Variants in PPFIA3 observed in about 807,000 individuals in gnomAD.
PPFIA3 encodes the protein PPFI scaffold protein A3.
PPFIA3 carries 26 observed loss-of-function variants against 145.8 expected under a neutral mutation model. That is an observed-to-expected ratio of 0.18 (90% CI 0.13 to 0.25). The LOEUF (loss-of-function observed/expected upper bound fraction) is 0.25, where lower values mean the gene tolerates loss of function less well. Ranked by LOEUF, PPFIA3 falls within the 10% of genes least tolerant of loss-of-function variation. PPFIA3 has a pLI of 1.00. For synonymous variants in PPFIA3, 645 were observed against 661.4 expected (o/e 0.98, Z 0.38); for missense variants, 1,008 against 1,587.8 (o/e 0.63, Z 6.21).
rs199882124 is a variant in PPFIA3, at chr19:49,138,313, C to A, written c.1962C>A (p.Ser654=). ...DSLGRYRSSC[S]LPPSLTTSTL... Reference sequence around the variant, plus strand: ...TGGGCCGCTACCGCAGCAGCTGCTCCCTGCCCCCCTCCCTCACCACCTCTA... The same window carrying A: ...TGGGCCGCTACCGCAGCAGCTGCTCACTGCCCCCCTCCCTCACCACCTCTA... Residue 654 remains serine (S), a synonymous_variant, in exon 16 of 30, where the codon TCC becomes TCA. Transcript: ENST00000334186. 5 of 1,613,080 alleles carry A rather than the reference C, an allele frequency of 3.1e-6. No homozygotes were observed. In the East Asian group the frequency reaches 8.9e-5, roughly 29 times the overall value.
At chr19:49,131,985 G>A (rs1273120612) in intron 7 of PPFIA3, among the ~76,000 whole-genome samples, 4 of 149,374 alleles carry the variant, frequency 2.7e-5, no homozygotes, top group South Asian at 2.1e-4. Flanking sequence ...ACTCCAGCCC[G>A]GGCAACAGAG....
intron 23 of PPFIA3, 129 bp from the exon 24 acceptor site, chr19:49,147,954 G>A: frequency 3.3e-6 from 3 of 921,900 alleles, no homozygotes; most frequent in South Asian, 3.3e-5. Context: ...ATCCTGAGCA[G>A]AGATTGGTCA....
intron 15 of PPFIA3, 107 bp from the exon 16 acceptor site, chr19:49,138,098 G>C: frequency 1.4e-6 from 2 of 1,415,896 alleles, no homozygotes; most frequent in Non-Finnish European, 1.9e-6. Context: ...ACCGTCCCCA[G>C]AATTCCCATT....
In PPFIA3 at chr19:49,150,645, A is replaced by T. The variant is rs753951808; in HGVS notation, c.*423A>T. On this transcript the variant is annotated 3_prime_UTR_variant, in exon 30 of 30. Coordinates refer to ENST00000334186, the MANE Select transcript of PPFIA3 (RefSeq NM_003660.4). ...GCCCAAGTCTTCCTTCTTCGTCCGA[A>T]AGGAGGGGAGGGGGGACTCGCTGCT... The T allele has an allele frequency of 9.6e-4, 148 of 153,672 alleles. No homozygotes were observed. The highest frequency in any genetic ancestry group is 1.5e-3 in the Non-Finnish European group (103 of 68,810). The allele number at this position is 153,672 out of a possible 1,614,324, so 9.5% of individuals were successfully genotyped here.
Position 49,133,448 on chromosome 19 carries a change from G to A in PPFIA3, c.1161+77G>A. On this transcript the variant is annotated intron_variant, in intron 9 of 29. Transcript: ENST00000334186. This position sits in a 1 kb window ranked among gnomAD's most constrained non-coding sequence, Gnocchi z 7.2. ...GAGGAGGCGGGGCCGTGAATCTGGA[G>A]GGGTAGGAGCGAGGTCAGAACCCCG... The A allele has an allele frequency of 6.8e-7, 1 of 1,462,978 alleles. No homozygotes were observed. Among genetic ancestry groups the A allele is most frequent in the Non-Finnish European group, 9.0e-7 (1 of 1,107,374 alleles). The allele number at this position is 1,462,978 out of a possible 1,614,324, so 90.6% of individuals were successfully genotyped here.
rs760792528 is a variant in PPFIA3 at position 49,143,106 on chromosome 19, C to G, written c.2745+102C>G. ...GCCTGCTCACTCCCCTGTCCCACGA[C>G]CCTGCTTCTCATTGGCTTTTACCCC... is the stretch of plus-strand genomic sequence containing the variant. On this transcript the variant is annotated intron_variant, in intron 21 of 29. Coordinates refer to ENST00000334186, the MANE Select transcript of PPFIA3 (RefSeq NM_003660.4). 14 of 1,317,992 alleles carry G rather than the reference C, an allele frequency of 1.1e-5. No homozygotes were observed. In the African/African-American group the frequency reaches 2.0e-4, roughly 19 times the overall value. 81.6% of individuals were successfully genotyped at this position (1,317,992 alleles called of 1,614,324 possible).
Position 49,149,965 on chromosome 19 carries a change from A to G in PPFIA3, c.3527-115A>G. 3.0e-6 allele frequency: 4 copies of G among 1,311,998 alleles called. No homozygotes were observed. Among genetic ancestry groups the G allele is most frequent in the Non-Finnish European group, 4.2e-6 (4 of 948,252 alleles). 81.3% of individuals were successfully genotyped at this position (1,311,998 alleles called of 1,614,324 possible). A position where few individuals can be genotyped will look rare whatever the true frequency, so the allele number is the denominator to read the frequency against. On this transcript the variant is annotated intron_variant, in intron 28 of 29. Coordinates refer to ENST00000334186, the MANE Select transcript of PPFIA3 (RefSeq NM_003660.4). The surrounding 1 kb of genome is among the most constrained non-coding windows in gnomAD (Gnocchi z 5.7). ...GGCTGCGGGGAAGGGAGGGAAACCC[A>G]TGTGGAGCCCGGCGATCGTTGTGAC...
In PPFIA3 at chr19:49,148,851, A is replaced by G. The variant is rs1039018896; in HGVS notation, c.3109+88A>G. On this transcript the variant is annotated intron_variant, in intron 25 of 29. Coordinates refer to ENST00000334186, the MANE Select transcript of PPFIA3 (RefSeq NM_003660.4). ...AGAGGGGGTAGGGGGAGACCGGAGA[A>G]GCAAATTGGCACCATAACCGTGGGG... 9 of 1,523,548 alleles carry G rather than the reference A, an allele frequency of 5.9e-6. No homozygotes were observed. In the Admixed American group the frequency reaches 1.6e-4, roughly 28 times the overall value. The allele number at this position is 1,523,548 out of a possible 1,614,324, so 94.4% of individuals were successfully genotyped here.
chr19:49,133,916 C>T lies in PPFIA3; in HGVS notation c.1245+37C>T. On this transcript the variant is annotated intron_variant, in intron 10 of 29. Coordinates refer to ENST00000334186, the MANE Select transcript of PPFIA3 (RefSeq NM_003660.4). This position sits in a 1 kb window ranked among gnomAD's most constrained non-coding sequence, Gnocchi z 7.2. Reference sequence around the variant, plus strand: ...GAAGACTGCACAGAGGGTGGGGCTTCGAGGCTGGGGCGGAGCTTAATAAGG... The same window carrying T: ...GAAGACTGCACAGAGGGTGGGGCTTTGAGGCTGGGGCGGAGCTTAATAAGG... 4.4e-6 allele frequency: 7 copies of T among 1,605,054 alleles called. No individual in the cohort carries two copies. The highest frequency in any genetic ancestry group is 6.0e-6 in the Non-Finnish European group (7 of 1,175,204).
Position 49,130,407 on chromosome 19 carries a change from G to A in PPFIA3, c.687G>A (p.Gly229=). Residue 229 remains glycine, a synonymous_variant, in exon 7 of 30, where the codon GGG becomes GGA. Coordinates refer to ENST00000334186, the MANE Select transcript of PPFIA3 (RefSeq NM_003660.4). This position sits in a 1 kb window ranked among gnomAD's most constrained non-coding sequence, Gnocchi z 4.5. ...QTLANGLGPG[G]DSNRRTAELE... is the part of the protein sequence containing the mutation. Reference sequence around the variant, plus strand: ...TTGCCAATGGCCTGGGTCCTGGCGGGGATTCCAACCGGCGCACAGCAGAGC... The same window carrying A: ...TTGCCAATGGCCTGGGTCCTGGCGGAGATTCCAACCGGCGCACAGCAGAGC... 1 of 1,609,808 alleles carries A rather than the reference G, an allele frequency of 6.2e-7. No homozygotes were observed. Among genetic ancestry groups the A allele is most frequent in the Non-Finnish European group, 8.5e-7 (1 of 1,178,296 alleles).
rs1288311974 is a variant in PPFIA3, at chr19:49,128,063, G to C, written c.190G>C (p.Gly64Arg). The change falls in exon 2 of 30, where the codon GGC (glycine) becomes CGC (arginine). Residue 64 changes from glycine (G) to arginine (R), a missense_variant. Coordinates refer to ENST00000334186, the MANE Select transcript of PPFIA3 (RefSeq NM_003660.4). This position sits in a 1 kb window ranked among gnomAD's most constrained non-coding sequence, Gnocchi z 4.1. ...AGCGCAGCTGCGGCTGCGCGAGCTC[G>C]GCCACGAGAAGGACTCGCTGCAGCG... ...ATAQLRLREL[G>R]HEKDSLQRQL... 2.5e-6 allele frequency: 4 copies of C among 1,593,744 alleles called. No homozygotes were observed. The highest frequency in any genetic ancestry group is 1.1e-5 in the South Asian group (1 of 90,726).
Position 49,150,256 on chromosome 19 carries a change from G to A in PPFIA3, c.*34G>A. ...TGCAGGTGACCTCACTCGGACGGAA[G>A]AATCTTCCCGAGGCTGGGCTGTTCC... On this transcript the variant is annotated 3_prime_UTR_variant, in exon 30 of 30. Coordinates refer to ENST00000334186, the MANE Select transcript of PPFIA3 (RefSeq NM_003660.4). 9.3e-7 allele frequency: 1 copy of A among 1,070,434 alleles called. No homozygotes were observed. The allele number at this position is 1,070,434 out of a possible 1,614,324, so 66.3% of individuals were successfully genotyped here. A position where few individuals can be genotyped will look rare whatever the true frequency, so the allele number is the denominator to read the frequency against.
At position 49,150,486 on chromosome 19, in the gene PPFIA3, C is replaced by A; in HGVS notation, c.*264C>A. ...CCCCAAACGTCCGCTTTCCTTTTCT[C>A]TACTTTGTAATTTATTGATCAGTTT... is the stretch of plus-strand genomic sequence containing the variant. On this transcript the variant is annotated 3_prime_UTR_variant, in exon 30 of 30. Transcript: ENST00000334186. The A allele has an allele frequency of 4.4e-6, 1 of 227,020 alleles. No individual in the cohort carries two copies. Among genetic ancestry groups the A allele is most frequent in the Non-Finnish European group, 8.6e-6 (1 of 115,702 alleles). 14.1% of individuals were successfully genotyped at this position (227,020 alleles called of 1,614,324 possible).
chr19:49,140,803 C>T (rs915768244), intron 18 of PPFIA3, among the ~76,000 whole-genome samples: 2 of 151,760 alleles, frequency 1.3e-5, no homozygotes, highest in Non-Finnish European at 1.5e-5. Flanking sequence ...TACAGGCGCC[C>T]ACCACCACGC....
intron 13 of PPFIA3, 30 bp downstream of exon 13, chr19:49,134,945 C>T (rs1231561749): frequency 4.0e-6 from 6 of 1,515,472 alleles, no homozygotes; most frequent in Non-Finnish European, 4.4e-6. Flanking sequence ...CCTGCCCCCA[C>T]CATGGAGCCC....
chr19:49,138,560 T>G (rs2041170324), intron 16 of PPFIA3, 133 bp downstream of exon 16: 1 of 690,602 alleles, frequency 1.4e-6, no homozygotes, highest in Non-Finnish European at 2.1e-6. Context: ...CCCTAAAGGT[T>G]CAAACTCAAA....
chr19:49,141,505 C>T lies in PPFIA3; in HGVS notation c.2454C>T (p.Asn818=). The T allele has an allele frequency of 6.2e-7, 1 of 1,613,326 alleles. No individual in the cohort carries two copies. The highest frequency in any genetic ancestry group is 8.5e-7 in the Non-Finnish European group (1 of 1,179,470). Reference sequence around the variant, plus strand: ...GCCCAGGAGACAAGGACCGAAGGAACAAGAGGAAGTGAGTGTGTGTGAGTG... The same window carrying T: ...GCCCAGGAGACAAGGACCGAAGGAATAAGAGGAAGTGAGTGTGTGTGAGTG... The part of the protein sequence containing the change: ...LTGPGDKDRR[N]KRKHELLEEA... Residue 818 remains asparagine, a synonymous_variant, in exon 19 of 30, where the codon AAC becomes AAT. Transcript: ENST00000334186.
chr19:49,147,213 T>G (rs2041290382), intron 23 of PPFIA3, among the ~76,000 whole-genome samples: 1 of 151,794 alleles, frequency 6.6e-6, no homozygotes, highest in Non-Finnish European at 1.5e-5. Context: ...GACTTGGGGG[T>G]TTAGTGACGT....
Position 49,130,431 on chromosome 19 carries a change from G to A in PPFIA3, c.711G>A (p.Glu237=). 4 of 1,610,930 alleles carry A rather than the reference G, an allele frequency of 2.5e-6. No homozygotes were observed. Among genetic ancestry groups the A allele is most frequent in the Non-Finnish European group, 3.4e-6 (4 of 1,178,902 alleles). Residue 237 remains glutamate, a synonymous_variant, in exon 7 of 30, where the codon GAG becomes GAA. Coordinates refer to ENST00000334186, the MANE Select transcript of PPFIA3 (RefSeq NM_003660.4). This position sits in a 1 kb window ranked among gnomAD's most constrained non-coding sequence, Gnocchi z 4.5. ...GGGATTCCAACCGGCGCACAGCAGA[G>A]CTGGAGGAGGCCCTGGAGCGGCAGC... The part of the protein sequence containing the change: ...PGGDSNRRTA[E]LEEALERQRA...
Sources: allele counts gnomAD v4.1 joint callset (sites outside exome capture counted in the v4.1 genomes callset), GRCh38; gene constraint gnomAD v4.1.1; non-coding constraint Gnocchi (gnomAD v3.1); transcripts MANE v1.5; gene names NCBI Gene and HGNC (gene_info 2026-07-23, HGNC 2026-07-21).